The following ITPR2 variants were observed in gnomAD, a reference collection of about 807,000 sequenced individuals.
ITPR2 encodes inositol 1,4,5-trisphosphate-gated calcium channel ITPR2.
ITPR2 carries 207 observed loss-of-function variants against 317.1 expected under a neutral mutation model. That is an observed-to-expected ratio of 0.65 (90% CI 0.58 to 0.73). ITPR2 has a LOEUF of 0.73. Ranked by LOEUF, ITPR2 falls within the 30% of genes least tolerant of loss-of-function variation. The pLI, the probability that ITPR2 is intolerant of heterozygous loss-of-function variation, is 0.00. For missense variants in ITPR2, 2,613 were observed against 3,284.0 expected (o/e 0.80, Z 4.99); for synonymous variants, 1,156 against 1,149.1 (o/e 1.01, Z -0.12).
At chr12:26,355,304 C>T (rs1227698069) in intron 55 of ITPR2, among the ~76,000 whole-genome samples, 1 of 152,220 alleles carries the variant, frequency 6.6e-6, no homozygotes, top group Non-Finnish European at 1.5e-5. Context: ...AGGAGTGCTA[C>T]TAATAATTAT....
intron 29 of ITPR2, among the ~76,000 whole-genome samples, chr12:26,599,737 C>G (rs1945947218): frequency 6.6e-6 from 1 of 152,094 alleles, no homozygotes; most frequent in South Asian, 2.1e-4. Flanking sequence ...TCTACCATAT[C>G]TTTTCCCTAA....
At chr12:26,663,915 A>G in intron 14 of ITPR2, 69 bp from the exon 15 acceptor site, 1 of 1,347,854 alleles carries the variant, frequency 7.4e-7, no homozygotes, top group Non-Finnish European at 1.0e-6. Flanking sequence ...TTTTTAACAA[A>G]TAAGAACATT....
At chr12:26,733,586 A>G (rs981761015) in intron 2 of ITPR2, among the ~76,000 whole-genome samples, 1 of 152,236 alleles carries the variant, frequency 6.6e-6, no homozygotes, top group Non-Finnish European at 1.5e-5. Context: ...TTAGTCTCAA[A>G]GAGATTAATT....
At chr12:26,454,074 T>A (rs1373851005) in intron 45 of ITPR2, among the ~76,000 whole-genome samples, 1 of 152,154 alleles carries the variant, frequency 6.6e-6, no homozygotes, top group Non-Finnish European at 1.5e-5. Flanking sequence ...CATACAGTAT[T>A]TTTTGCTTAT....
chr12:26,788,984 C>A (rs568027841), intron 2 of ITPR2, among the ~76,000 whole-genome samples: 1 of 152,198 alleles, frequency 6.6e-6, no homozygotes, highest in African/African-American at 2.4e-5. Flanking sequence ...TAGTAGCCTA[C>A]GTGTCCCCTC....
chr12:26,722,658 T>A (rs2137045158), intron 4 of ITPR2, 103 bp from the exon 5 acceptor site: 1 of 822,228 alleles, frequency 1.2e-6, no homozygotes, highest in East Asian at 2.7e-5. Flanking sequence ...TAACATGGCT[T>A]GAGATGAAAA....
chr12:26,401,587 C>T (rs1003021458), intron 52 of ITPR2, among the ~76,000 whole-genome samples: 3 of 152,124 alleles, frequency 2.0e-5, no homozygotes, highest in Admixed American at 6.5e-5. Flanking sequence ...CTAACACTGG[C>T]AAATGACCAG....
At chr12:26,363,028 A>G (rs1938885963) in intron 55 of ITPR2, among the ~76,000 whole-genome samples, 1 of 152,192 alleles carries the variant, frequency 6.6e-6, no homozygotes, top group South Asian at 2.1e-4. Context: ...TGGGCCATGG[A>G]CCAGTACCAG....
At chr12:26,477,972 G>C (rs1366296673) in intron 43 of ITPR2, among the ~76,000 whole-genome samples, 1 of 152,096 alleles carries the variant, frequency 6.6e-6, no homozygotes, top group Non-Finnish European at 1.5e-5. Flanking sequence ...TTTGATAGAA[G>C]TACAAAAGAA....
intron 19 of ITPR2, 98 bp downstream of exon 19, chr12:26,656,199 C>A: frequency 6.8e-7 from 1 of 1,460,318 alleles, no homozygotes; most frequent in Non-Finnish European, 9.4e-7. Flanking sequence ...ACAGGATACA[C>A]AAATGCCTTT....
intron 52 of ITPR2, 80 bp downstream of exon 52, chr12:26,411,240 T>G: frequency 1.1e-6 from 1 of 878,464 alleles, no homozygotes; most frequent in Non-Finnish European, 1.8e-6. Flanking sequence ...GTAGAGCAAT[T>G]CCCTAAGAGG....
At chr12:26,725,271 A>G (rs1343755155) in intron 3 of ITPR2, among the ~76,000 whole-genome samples, 2 of 152,212 alleles carry the variant, frequency 1.3e-5, no homozygotes. Context: ...TTACACTCAG[A>G]CAAACCATAA....
intron 55 of ITPR2, among the ~76,000 whole-genome samples, chr12:26,386,822 T>G (rs1268972994): frequency 1.3e-5 from 2 of 152,230 alleles, no homozygotes; most frequent in African/African-American, 4.8e-5. Flanking sequence ...TAATTTTCTA[T>G]GAGACAGAAG....
intron 45 of ITPR2, among the ~76,000 whole-genome samples, chr12:26,450,590 A>C (rs944496376): frequency 1.3e-5 from 2 of 152,196 alleles, no homozygotes; most frequent in African/African-American, 2.4e-5. Context: ...TCTCAGCCAG[A>C]AAATACTCAC....
chr12:26,541,247 G>A (rs147691928), intron 37 of ITPR2, among the ~76,000 whole-genome samples: 13,088 of 151,928 alleles, frequency 0.086, 709 homozygotes, highest in African/African-American at 0.15. Flanking sequence ...AACCCGGGAG[G>A]CAGAGGTTGC....
chr12:26,362,230 T>C (rs991994351), intron 55 of ITPR2, among the ~76,000 whole-genome samples: 1 of 152,152 alleles, frequency 6.6e-6, no homozygotes, highest in Non-Finnish European at 1.5e-5. Context: ...CTGCCCTAGT[T>C]CAACCTGCAC....
chr12:26,692,791 CA>C (rs796128691), intron 10 of ITPR2, among the ~76,000 whole-genome samples: 12 of 147,188 alleles, frequency 8.2e-5, no homozygotes, highest in Admixed American at 1.3e-4. Context: ...TTCTAAATTA[CA>C]AAAAAAAAAT....
At position 26,481,170 on chromosome 12, in the gene ITPR2, A is replaced by G. The variant is rs1434847478; in HGVS notation, c.6084T>C (p.Pro2028=). The G allele has an allele frequency of 6.2e-7, 1 of 1,613,384 alleles. No homozygotes were observed. The highest frequency in any genetic ancestry group is 1.1e-5 in the South Asian group (1 of 91,060). Residue 2028 remains proline (P), a synonymous_variant, in exon 43 of 57, where the codon CCT becomes CCC. Coordinates refer to ENST00000381340, the MANE Select transcript of ITPR2 (RefSeq NM_002223.4). ...CCAGGTCCATTCGGTATTTACCAAG[A>G]GGGTTTATGTCATTCAGAATCAAAG... ...IIALILNDIN[P]LGKYRMDLVL...
intron 1 of ITPR2, among the ~76,000 whole-genome samples, chr12:26,810,699 T>C (rs1183146763): frequency 6.6e-6 from 1 of 152,256 alleles, no homozygotes; most frequent in Non-Finnish European, 1.5e-5. Context: ...TCCCTTAATG[T>C]TACATTCCTT....
Sources: gnomAD v4.1 joint callset for allele counts (sites outside exome capture counted in the v4.1 genomes callset) on GRCh38, gnomAD v4.1.1 for gene constraint, MANE v1.5 for transcripts, NCBI Gene and HGNC (gene_info 2026-07-23, HGNC 2026-07-21) for gene names.